Variants in RYR1 observed in about 807,000 individuals in gnomAD.
RYR1 encodes the protein central core disease of muscle.
A neutral mutation model predicts 583.5 loss-of-function variants in RYR1; 342 were observed. That is an observed-to-expected ratio of 0.59 (90% CI 0.54 to 0.64). The LOEUF (loss-of-function observed/expected upper bound fraction) is 0.64. Ranked by LOEUF, RYR1 falls within the 30% of genes least tolerant of loss-of-function variation. The pLI is 0.00. For synonymous variants in RYR1, 2,791 were observed against 2,822.5 expected (o/e 0.99, Z 0.35); for missense variants, 6,032 against 6,917.2 (o/e 0.87, Z 4.54).
At chr19:38,571,054 A>C (rs1973691996) in intron 94 of RYR1, among the ~76,000 whole-genome samples, 1 of 152,234 alleles carries the variant, frequency 6.6e-6, no homozygotes. Flanking sequence ...ACATAAGCTA[A>C]ACAGAAGTTT....
rs754190031 is a variant in RYR1 at position 38,577,949 on chromosome 19, G to A, written c.14204G>A (p.Arg4735Gln). 6.8e-6 allele frequency: 11 copies of A among 1,614,088 alleles called. No homozygotes were observed. The East Asian group carries it at 1.3e-4, about 20-fold the overall frequency. ...VLDKHGDIYG[R>Q]ERIAELLGMD... is the part of the protein sequence containing the mutation. ...GACAAACATGGGGACATCTACGGGC[G>A]GGAGCGGATTGCTGAGCTACTGGGC... The change falls in exon 98 of 106, where the codon CGG becomes CAG. Residue 4735 changes from arginine (R) to glutamine (Q), a missense_variant. Physicochemically the swap from Arg to Gln is conservative, Grantham distance 43. Coordinates refer to ENST00000359596, the MANE Select transcript of RYR1 (RefSeq NM_000540.3).
chr19:38,563,144 C>G (rs539589547), intron 90 of RYR1, among the ~76,000 whole-genome samples: 2 of 152,334 alleles, frequency 1.3e-5, no homozygotes, highest in African/African-American at 4.8e-5. Flanking sequence ...TGCTATTCCT[C>G]CAAACACCCG....
In RYR1 at chr19:38,464,674, C is replaced by T. The variant is rs748568687; in HGVS notation, c.2822C>T (p.Ala941Val). The part of the protein sequence containing the change: ...LLALGCHVGM[A>V]DEKAEDNLKK... The stretch of plus-strand genomic sequence containing the variant: ...GCTCTGGGCTGCCACGTGGGCATGG[C>T]GGATGAGAAGGCGGAGGACAACCTG... Residue 941 changes from alanine (A) to valine (V), a missense_variant, in exon 23 of 106, where the codon GCG becomes GTG. Ala to Val is a moderately conservative substitution (Grantham distance 64). This residue lies in a region of RYR1 where 2,627 missense variants were observed against 2,961.3 expected (regional missense o/e 0.89). Coordinates refer to ENST00000359596, the MANE Select transcript of RYR1 (RefSeq NM_000540.3). 1.6e-4 allele frequency: 261 copies of T among 1,593,232 alleles called. No homozygotes were observed. The highest frequency in any genetic ancestry group is 8.8e-5 in the Admixed American group (5 of 56,620).
In RYR1 at chr19:38,561,907, C is replaced by A. The variant is rs930715486; in HGVS notation, c.12624+453C>A. Among the ~76,000 whole-genome samples, 58 of 151,528 alleles carry A rather than the reference C, an allele frequency of 3.8e-4. No individual in the cohort carries two copies. Among genetic ancestry groups the A allele is most frequent in the African/African-American group, 1.4e-3 (58 of 41,362 alleles). ...CTTGGTCCTGGCCCGCTCATGCTCA[C>A]TCTTGTACACGCTCGCCTTGGGGGC... On this transcript the variant is annotated intron_variant, in intron 90 of 105. Coordinates refer to ENST00000359596, the MANE Select transcript of RYR1 (RefSeq NM_000540.3). This position sits in a 1 kb window ranked among gnomAD's most constrained non-coding sequence, Gnocchi z 4.8.
intron 22 of RYR1, 102 bp downstream of exon 22, chr19:38,463,952 G>A (rs1346579976): frequency 2.2e-6 from 2 of 891,540 alleles, no homozygotes; most frequent in African/African-American, 3.3e-5. Context: ...GAGAGAGAAG[G>A]ATGGAGGGGA....
At chr19:38,522,931 C>G in intron 67 of RYR1, 97 bp from the exon 68 acceptor site, 3 of 972,796 alleles carry the variant, frequency 3.1e-6, no homozygotes, top group Non-Finnish European at 4.8e-6. Flanking sequence ...GACTGGATGT[C>G]TCCTGGTCCC....
chr19:38,483,540 G>T lies in RYR1; in HGVS notation c.4934+24G>T, dbSNP rs764777822. The stretch of plus-strand genomic sequence containing the variant: ...CGGTCAGGGCCAGCCCAGCTATGCA[G>T]GGGTGGGCAGGTGTTGCAAGCCCTC... On this transcript the variant is annotated intron_variant, in intron 33 of 105. Transcript: ENST00000359596. The surrounding 1 kb of genome is among the most constrained non-coding windows in gnomAD (Gnocchi z 6.3). 2.0e-6 allele frequency: 3 copies of T among 1,533,392 alleles called. No individual in the cohort carries two copies. The highest frequency in any genetic ancestry group is 8.7e-7 in the Non-Finnish European group (1 of 1,143,028). 95.0% of individuals were successfully genotyped at this position (1,533,392 alleles called of 1,614,324 possible).
At position 38,496,206 on chromosome 19, in the gene RYR1, C is replaced by G; in HGVS notation, c.6549-9C>G. ...CCCTGGTGACCCCGCACACTCTGCC[C>G]GTGCACAGGAACATCATGAACAACA... On this transcript the variant is annotated splice_polypyrimidine_tract_variant and intron_variant, in intron 39 of 105. Transcript: ENST00000359596. This position sits in a 1 kb window ranked among gnomAD's most constrained non-coding sequence, Gnocchi z 4.8. 1.2e-6 allele frequency: 2 copies of G among 1,611,602 alleles called. No individual in the cohort carries two copies. Among genetic ancestry groups the G allele is most frequent in the Non-Finnish European group, 8.5e-7 (1 of 1,178,682 alleles).
intron 42 of RYR1, among the ~76,000 whole-genome samples, chr19:38,498,041 C>T (rs1217763150): frequency 6.6e-6 from 1 of 152,020 alleles, no homozygotes; most frequent in Non-Finnish European, 1.5e-5. Context: ...AGGAAGGTGA[C>T]AGGTCAGGTG....
intron 76 of RYR1, among the ~76,000 whole-genome samples, chr19:38,531,937 G>C (rs1482053407): frequency 1.3e-5 from 2 of 152,066 alleles, no homozygotes; most frequent in Non-Finnish European, 2.9e-5. Flanking sequence ...ACAACTCCCA[G>C]AATGGATTTT....
chr19:38,499,729 A>G lies in RYR1; in HGVS notation c.7122A>G (p.Ser2374=), dbSNP rs1429697272. Residue 2374 remains serine, a synonymous_variant, in exon 44 of 106, where the codon TCA becomes TCG. Coordinates refer to ENST00000359596, the MANE Select transcript of RYR1 (RefSeq NM_000540.3). This position sits in a 1 kb window ranked among gnomAD's most constrained non-coding sequence, Gnocchi z 7.3. ...CCGCCCTGCGGGGTGAGGGTGGCTC[A>G]GGGCTGCTGGCTGCCATCGAAGAGG... ...FGPALRGEGG[S]GLLAAIEEAI... 1.2e-6 allele frequency: 2 copies of G among 1,601,800 alleles called. No individual in the cohort carries two copies. Among genetic ancestry groups the G allele is most frequent in the Non-Finnish European group, 1.7e-6 (2 of 1,179,506 alleles).
chr19:38,510,375 G>A (rs1970672867), intron 58 of RYR1, 123 bp from the exon 59 acceptor site: 1 of 923,274 alleles, frequency 1.1e-6, no homozygotes, highest in Non-Finnish European at 1.7e-6. Flanking sequence ...CAACACAAAT[G>A]ACTTCATACC....
chr19:38,523,744 G>A (rs1341353189), intron 69 of RYR1, among the ~76,000 whole-genome samples, 171 bp from the exon 70 acceptor site: 1 of 151,316 alleles, frequency 6.6e-6, no homozygotes, highest in Non-Finnish European at 1.5e-5. Flanking sequence ...CCCTTCTCAG[G>A]TCTCAGAGAA....
intron 69 of RYR1, 183 bp downstream of exon 69, chr19:38,523,492 C>T: frequency 1.5e-6 from 1 of 661,704 alleles, no homozygotes; most frequent in Non-Finnish European, 2.7e-6. Context: ...CCTCCTGTAT[C>T]TTCTCCCTCC....
chr19:38,511,677 C>T, intron 61 of RYR1, 67 bp downstream of exon 61: 1 of 1,544,702 alleles, frequency 6.5e-7, no homozygotes, highest in Non-Finnish European at 8.9e-7. Context: ...AGAAATAGCT[C>T]CCAGGTTCTG....
chr19:38,445,781 G>A (rs1972911641), intron 7 of RYR1, among the ~76,000 whole-genome samples: 1 of 152,152 alleles, frequency 6.6e-6, no homozygotes, highest in Non-Finnish European at 1.5e-5. Context: ...TTGAGATCAG[G>A]AGTTCGAGAC....
chr19:38,488,873 G>A (rs962239179), intron 34 of RYR1, among the ~76,000 whole-genome samples: 1 of 152,216 alleles, frequency 6.6e-6, no homozygotes. Context: ...GGTGTGTCCT[G>A]GGCCAGAGGA....
intron 90 of RYR1, among the ~76,000 whole-genome samples, chr19:38,562,400 C>T (rs79428537): frequency 0.012 from 1,779 of 152,000 alleles, 36 homozygotes; most frequent in East Asian, 0.074. Flanking sequence ...ACTCCCCACA[C>T]GCCCCTGACA....
intron 65 of RYR1, 61 bp from the exon 66 acceptor site, chr19:38,517,298 C>G: frequency 6.4e-7 from 1 of 1,554,208 alleles, no homozygotes; most frequent in Non-Finnish European, 8.8e-7. Context: ...CGGGGGAGGC[C>G]AGGGCACTGA....
Sources: gnomAD v4.1 joint callset for allele counts (sites outside exome capture counted in the v4.1 genomes callset) on GRCh38, gnomAD v4.1.1 for gene constraint, gnomAD v4.1.1 regional missense constraint, Gnocchi (gnomAD v3.1) non-coding constraint, MANE v1.5 for transcripts, NCBI Gene and HGNC (gene_info 2026-07-23, HGNC 2026-07-21) for gene names.